The following RIMS1 variants were observed in gnomAD, a reference collection of about 807,000 sequenced individuals.
The protein encoded by RIMS1 is regulating synaptic membrane exocytosis 1, also known as regulating synaptic membrane exocytosis protein 1.
RIMS1 carries 83 observed loss-of-function variants against 214.1 expected under a neutral mutation model. The ratio of observed to expected loss-of-function variants is 0.39; its 90% CI spans 0.32 to 0.47. The LOEUF (loss-of-function observed/expected upper bound fraction) is 0.47. Among genes scored for constraint, RIMS1 ranks in the 20% least tolerant of loss-of-function variants. The probability of loss-of-function intolerance (pLI) is 0.99; values close to 1 mark genes in which losing one functional copy is unlikely to be tolerated. For missense variants in RIMS1, 2,050 were observed against 2,161.8 expected, an observed-to-expected ratio of 0.95 and a Z score of 1.03; for synonymous variants, 793 against 786.8, an observed-to-expected ratio of 1.01 and a Z score of -0.13.
chr6:72,169,507 C>A (rs1466414499), intron 4 of RIMS1, among the ~76,000 whole-genome samples: 2 of 151,458 alleles, frequency 1.3e-5, no homozygotes, highest in Non-Finnish European at 2.9e-5. Flanking sequence ...AGGAAAAAGA[C>A]CAGAAAAGAA....
chr6:71,929,150 T>C (rs771608542), intron 1 of RIMS1, among the ~76,000 whole-genome samples: 3 of 152,158 alleles, frequency 2.0e-5, no homozygotes, highest in Non-Finnish European at 2.9e-5. Flanking sequence ...CATTATTTAA[T>C]TCATGTTTCT....
chr6:72,090,393 C>G (rs963492799), intron 2 of RIMS1, among the ~76,000 whole-genome samples: 4 of 152,114 alleles, frequency 2.6e-5, no homozygotes, highest in Non-Finnish European at 5.9e-5. Context: ...AACCATCCCT[C>G]TTCCAACTAT....
intron 19 of RIMS1, chr6:72,262,407 G>A (rs917231126): frequency 3.2e-5 from 31 of 982,300 alleles, no homozygotes; most frequent in Middle Eastern, 5.2e-4. Context: ...AGTATTCAGC[G>A]AGGCAGATAA....
chr6:72,118,206 A>G (rs1051024834), intron 4 of RIMS1, among the ~76,000 whole-genome samples: 1 of 151,236 alleles, frequency 6.6e-6, no homozygotes, highest in Non-Finnish European at 1.5e-5. Context: ...AATATACAAT[A>G]CTTCTAGATT....
intron 23 of RIMS1, among the ~76,000 whole-genome samples, chr6:72,277,066 T>C (rs2086829347): frequency 6.6e-6 from 1 of 152,250 alleles, no homozygotes; most frequent in Non-Finnish European, 1.5e-5. Flanking sequence ...AATAACATTG[T>C]AATGCAGAAC....
At chr6:72,250,566 G>A in intron 13 of RIMS1, 106 bp downstream of exon 13, 2 of 765,226 alleles carry the variant, frequency 2.6e-6, no homozygotes, top group East Asian at 2.9e-5. Context: ...ATAATTCTGA[G>A]GAGATAAAAG....
At chr6:71,928,855 C>T (rs1782268620) in intron 1 of RIMS1, among the ~76,000 whole-genome samples, 1 of 151,990 alleles carries the variant, frequency 6.6e-6, no homozygotes, top group Non-Finnish European at 1.5e-5. Flanking sequence ...ATCATTGACA[C>T]AGAATAGCTT....
chr6:72,108,921 G>T lies in RIMS1; in HGVS notation c.471+8935G>T, dbSNP rs1261632861. ...TGTGTCCATGTGTTCTCATTGTTCA[G>T]TTCCTACCTATGAGTGAGAAAATGC... On this transcript the variant is annotated intron_variant, in intron 4 of 33. Transcript: ENST00000521978. Among the ~76,000 whole-genome samples the T allele has an allele frequency of 5.1e-5, 7 of 138,286 alleles. No individual in the cohort carries two copies. In the Admixed American group the frequency reaches 5.9e-4, roughly 12 times the overall value. 90.7% of individuals were successfully genotyped at this position (138,286 alleles called of 152,430 possible).
intron 1 of RIMS1, among the ~76,000 whole-genome samples, chr6:71,890,665 T>C (rs149500823): frequency 6.6e-6 from 1 of 151,344 alleles, no homozygotes; most frequent in African/African-American, 2.4e-5. Flanking sequence ...AGGCGATGGT[T>C]TGAGGATGAG....
chr6:72,247,618 A>G (rs1407391611), intron 11 of RIMS1, among the ~76,000 whole-genome samples: 1 of 151,444 alleles, frequency 6.6e-6, no homozygotes, highest in Admixed American at 6.6e-5. Context: ...GATGTGGCTT[A>G]TAAATTATAT....
At chr6:72,117,236 A>G (rs1183802727) in intron 4 of RIMS1, among the ~76,000 whole-genome samples, 1 of 151,962 alleles carries the variant, frequency 6.6e-6, no homozygotes, top group Admixed American at 6.6e-5. Context: ...GGCCATAGAA[A>G]ATGGATGGCA....
intron 2 of RIMS1, among the ~76,000 whole-genome samples, chr6:72,016,819 G>C (rs1584984803): frequency 6.6e-6 from 1 of 152,164 alleles, no homozygotes; most frequent in African/African-American, 2.4e-5. Context: ...ATATGATGTA[G>C]ATGAGAATTA....
intron 17 of RIMS1, among the ~76,000 whole-genome samples, chr6:72,258,528 G>T (rs748292237): frequency 1.3e-5 from 2 of 152,018 alleles, no homozygotes; most frequent in African/African-American, 2.4e-5. Context: ...TAATTGTCTT[G>T]TATTCTCTTT....
chr6:72,400,246 C>A (rs7738055), intron 33 of RIMS1, among the ~76,000 whole-genome samples: 70,589 of 151,974 alleles, frequency 0.46, 16,785 homozygotes, highest in Middle Eastern at 0.52. Flanking sequence ...GCTTATGTAG[C>A]TAATACTCCT....
At chr6:72,014,716 T>C (rs148550498) in intron 2 of RIMS1, among the ~76,000 whole-genome samples, 44 of 152,352 alleles carry the variant, frequency 2.9e-4, no homozygotes, top group African/African-American at 1.0e-3. Context: ...CCACAGGCTA[T>C]GAATGAGTTA....
intron 26 of RIMS1, among the ~76,000 whole-genome samples, chr6:72,299,972 T>G (rs1454476684): frequency 1.3e-5 from 2 of 151,790 alleles, no homozygotes; most frequent in African/African-American, 4.8e-5. Flanking sequence ...AAAATACAAG[T>G]TTCTTAATAT....
rs2048486996 is a variant in RIMS1, at chr6:72,182,117, C to A, written c.813-167C>A. ...AATTAATATGTGTTCCCATTAGATC[C>A]CTTACCTTGTAAAATTCCAACACCC... is the stretch of plus-strand genomic sequence containing the variant. On this transcript the variant is annotated intron_variant, in intron 5 of 33. Transcript: ENST00000521978. Among the ~76,000 whole-genome samples, 3 of 152,220 alleles carry A rather than the reference C, an allele frequency of 2.0e-5. No individual in the cohort carries two copies. The South Asian group carries it at 6.2e-4, about 32-fold the overall frequency.
intron 1 of RIMS1, among the ~76,000 whole-genome samples, chr6:71,915,041 GT>G (rs1017378414): frequency 2.6e-5 from 4 of 152,012 alleles, no homozygotes; most frequent in Admixed American, 2.0e-4. Context: ...TGAGGAGCTT[GT>G]TTTTTTATAA....
At chr6:72,312,087 ATCT>A (rs1470285346) in intron 27 of RIMS1, among the ~76,000 whole-genome samples, 1 of 152,294 alleles carries the variant, frequency 6.6e-6, no homozygotes. Flanking sequence ...TTATTGTCTA[ATCT>A]TCTTTTTAGT....
Sources: gnomAD v4.1 joint callset for allele counts (sites outside exome capture counted in the v4.1 genomes callset) on GRCh38, gnomAD v4.1.1 for gene constraint, MANE v1.5 for transcripts, NCBI Gene and HGNC (gene_info 2026-07-23, HGNC 2026-07-21) for gene names.